Variants in REV1 observed in about 807,000 individuals in gnomAD.
REV1 encodes REV1 DNA directed polymerase.
In REV1, 42 loss-of-function variants were observed where a neutral mutation model predicts 137.4. The ratio of observed to expected loss-of-function variants is 0.31; its 90% CI spans 0.24 to 0.40. The LOEUF (loss-of-function observed/expected upper bound fraction) is 0.40. Among genes scored for constraint, REV1 ranks in the 10% least tolerant of loss-of-function variants. The pLI, the probability that REV1 is intolerant of heterozygous loss-of-function variation, is 1.00. For missense variants in REV1, 1,282 were observed against 1,490.1 expected (o/e 0.86, Z 2.30); for synonymous variants, 524 against 519.2 (o/e 1.01, Z -0.12).
chr2:99,471,878 A>G (rs914744593), intron 1 of REV1, among the ~76,000 whole-genome samples: 2 of 148,502 alleles, frequency 1.3e-5, no homozygotes, highest in African/African-American at 5.0e-5. Flanking sequence ...ACCCAGCAGG[A>G]TAGCTACTAT....
intron 14 of REV1, among the ~76,000 whole-genome samples, chr2:99,409,680 C>A (rs576831366): frequency 2.0e-5 from 3 of 152,132 alleles, no homozygotes; most frequent in Admixed American, 6.5e-5. Context: ...CCTATCTCTA[C>A]TGAAAATACA....
chr2:99,450,250 T>C (rs1008834004), intron 3 of REV1, among the ~76,000 whole-genome samples: 1 of 152,180 alleles, frequency 6.6e-6, no homozygotes, highest in Non-Finnish European at 1.5e-5. Context: ...TTTAAGAAAA[T>C]ATCTTAAAGA....
intron 1 of REV1, among the ~76,000 whole-genome samples, chr2:99,484,984 G>A (rs1019884352): frequency 1.3e-5 from 2 of 152,174 alleles, no homozygotes; most frequent in African/African-American, 4.8e-5. Flanking sequence ...CTAGGAAAGA[G>A]CCTAGCACAC....
intron 1 of REV1, among the ~76,000 whole-genome samples, chr2:99,466,433 G>C (rs1168592542): frequency 6.6e-6 from 1 of 151,728 alleles, no homozygotes; most frequent in Non-Finnish European, 1.5e-5. Context: ...GTAGAGATGG[G>C]GTTTCACCAT....
intron 6 of REV1, among the ~76,000 whole-genome samples, chr2:99,436,226 A>G (rs1384807677): frequency 2.6e-5 from 4 of 152,266 alleles, no homozygotes; most frequent in Non-Finnish European, 4.4e-5. Context: ...GAAGCTAAGT[A>G]AAACTTTTTT....
At chr2:99,451,664 G>A (rs1682937315) in intron 3 of REV1, among the ~76,000 whole-genome samples, 2 of 152,068 alleles carry the variant, frequency 1.3e-5, no homozygotes, top group Admixed American at 1.3e-4. Flanking sequence ...AATTAGTCTG[G>A]CATGTAGAGG....
At chr2:99,413,255 T>TA (rs1677429946) in intron 12 of REV1, among the ~76,000 whole-genome samples, 1 of 152,228 alleles carries the variant, frequency 6.6e-6, no homozygotes, top group East Asian at 1.9e-4. Context: ...AATACCAAGA[T>TA]ATGTATCTTA....
chr2:99,444,351 CA>C (rs1559360082), intron 4 of REV1, among the ~76,000 whole-genome samples: 2 of 152,182 alleles, frequency 1.3e-5, no homozygotes, highest in African/African-American at 4.8e-5. Flanking sequence ...CAGGTAAAAC[CA>C]AAAGTGCAAG....
intron 3 of REV1, among the ~76,000 whole-genome samples, chr2:99,459,068 C>T (rs1367332419): frequency 2.6e-5 from 4 of 152,018 alleles, no homozygotes; most frequent in Non-Finnish European, 4.4e-5. Flanking sequence ...ATTAGCCAGG[C>T]GTGGTGGTGG....
At chr2:99,488,605 T>G (rs932173294) in intron 1 of REV1, among the ~76,000 whole-genome samples, 1 of 152,194 alleles carries the variant, frequency 6.6e-6, no homozygotes, top group African/African-American at 2.4e-5. Flanking sequence ...GGTGAGCTCT[T>G]AAGTGTCCAG....
chr2:99,478,141 C>T (rs1052975135), intron 1 of REV1, among the ~76,000 whole-genome samples: 1 of 152,116 alleles, frequency 6.6e-6, no homozygotes, highest in African/African-American at 2.4e-5. Flanking sequence ...GAGGCTGAGG[C>T]AGGAGGATCA....
intron 1 of REV1, among the ~76,000 whole-genome samples, chr2:99,473,413 A>T (rs1236102347): frequency 6.6e-6 from 1 of 151,972 alleles, no homozygotes; most frequent in East Asian, 1.9e-4. Flanking sequence ...AAAAAAATTC[A>T]GACACCTAGG....
intron 22 of REV1, among the ~76,000 whole-genome samples, chr2:99,401,899 C>CG (rs375629417): frequency 9.5e-4 from 145 of 152,098 alleles, no homozygotes; most frequent in African/African-American, 3.4e-3. Flanking sequence ...ACCACCACCC[C>CG]CCCAGATTAT....
intron 1 of REV1, among the ~76,000 whole-genome samples, chr2:99,466,231 G>A (rs557308087): frequency 1.6e-4 from 24 of 150,460 alleles, no homozygotes; most frequent in Non-Finnish European, 2.8e-4. Flanking sequence ...GATTACAGGC[G>A]TAAGCCACCG....
At chr2:99,470,654 C>G (rs1685312621) in intron 1 of REV1, among the ~76,000 whole-genome samples, 1 of 152,226 alleles carries the variant, frequency 6.6e-6, no homozygotes, top group Non-Finnish European at 1.5e-5. Flanking sequence ...AAGTTACTTC[C>G]TCCTTCCTTT....
chr2:99,404,537 T>C lies in REV1; in HGVS notation c.2952A>G (p.Gln984=). 5.0e-6 allele frequency: 8 copies of C among 1,614,200 alleles called. No individual in the cohort carries two copies. The highest frequency in any genetic ancestry group is 6.8e-6 in the Non-Finnish European group (8 of 1,180,022). The change falls in exon 18 of 23, where the codon CAA becomes CAG. Residue 984 remains glutamine (Q), a synonymous_variant. Coordinates refer to ENST00000258428, the MANE Select transcript of REV1 (RefSeq NM_016316.4). ...TTTGCAACAAGACTGTCCCAACTGG[T>C]TGTGGCAAAATTCCTGTATTACAGC... ...VNGCNTGILP[Q]PVGTVLLQIP... is the part of the protein sequence containing the mutation.
chr2:99,419,482 C>T (rs534489936), intron 11 of REV1, among the ~76,000 whole-genome samples: 2 of 151,982 alleles, frequency 1.3e-5, no homozygotes, highest in Admixed American at 1.3e-4. Context: ...AGTGCTGGGA[C>T]TACAGGAATG....
chr2:99,478,991 C>A (rs1242786238), intron 1 of REV1, among the ~76,000 whole-genome samples: 1 of 152,152 alleles, frequency 6.6e-6, no homozygotes, highest in Non-Finnish European at 1.5e-5. Flanking sequence ...GAATGAATTT[C>A]ACATCAGGAG....
intron 4 of REV1, among the ~76,000 whole-genome samples, chr2:99,444,042 G>T (rs889542962): frequency 6.6e-6 from 1 of 152,030 alleles, no homozygotes; most frequent in African/African-American, 2.4e-5. Flanking sequence ...GGATGGTCTC[G>T]ATCTCCTGAC....
Sources: gnomAD v4.1 joint callset for allele counts (sites outside exome capture counted in the v4.1 genomes callset) on GRCh38, gnomAD v4.1.1 for gene constraint, MANE v1.5 for transcripts, NCBI Gene and HGNC (gene_info 2026-07-23, HGNC 2026-07-21) for gene names.